Variants in PHF10 observed in about 807,000 individuals in gnomAD.
PHF10 encodes the protein PHD finger protein 10, also known as BRG1-associated factor 45a.
Under a neutral mutation model 68.5 loss-of-function variants are expected in PHF10, and 51 were observed. The ratio of observed to expected loss-of-function variants is 0.74; its 90% CI spans 0.59 to 0.94. The LOEUF (loss-of-function observed/expected upper bound fraction) is 0.94, where lower values mean the gene tolerates loss of function less well. PHF10 is among the 40% of genes least tolerant of loss of function. The probability of loss-of-function intolerance (pLI) is 0.00; values close to 1 mark genes in which losing one functional copy is unlikely to be tolerated. For synonymous variants in PHF10, 204 were observed against 203.5 expected, an observed-to-expected ratio of 1.00 and a Z score of -0.02; for missense variants, 460 against 602.6, an observed-to-expected ratio of 0.76 and a Z score of 2.48.
chr6:169,709,536 G>A (rs1788881115), intron 9 of PHF10: 1 of 151,998 alleles, frequency 6.6e-6, no homozygotes. Flanking sequence ...AAAAGGGAGG[G>A]GCAGACAGAG....
chr6:169,710,997 T>C (rs1788915817), intron 8 of PHF10, among the ~76,000 whole-genome samples: 1 of 152,186 alleles, frequency 6.6e-6, no homozygotes, highest in Non-Finnish European at 1.5e-5. Context: ...CATTTTATAA[T>C]TTAAAATGTT....
intron 1 of PHF10, among the ~76,000 whole-genome samples, chr6:169,723,075 T>G (rs1283798393): frequency 6.6e-6 from 1 of 152,202 alleles, no homozygotes; most frequent in East Asian, 1.9e-4. Flanking sequence ...CGGCTTCCCC[T>G]GCCAACGCGC....
At chr6:169,716,980 A>G (rs1303452594) in intron 4 of PHF10, among the ~76,000 whole-genome samples, 1 of 152,218 alleles carries the variant, frequency 6.6e-6, no homozygotes, top group Non-Finnish European at 1.5e-5. Flanking sequence ...AGGGCTGGGC[A>G]TGGTGGCTCA....
Position 169,721,008 on chromosome 6 carries a change from AG to A in PHF10, c.190del (p.Gly65ValfsTer10), listed in dbSNP as rs1789163663. 2 of 1,517,950 alleles carry A rather than the reference AG, an allele frequency of 1.3e-6. No homozygotes were observed. The highest frequency in any genetic ancestry group is 2.8e-5 in the African/African-American group (2 of 72,332). 94.0% of individuals were successfully genotyped at this position (1,517,950 alleles called of 1,614,324 possible). On this transcript the variant is annotated frameshift_variant, in exon 2 of 12. Coordinates refer to ENST00000339209, the MANE Select transcript of PHF10 (RefSeq NM_018288.4). LOFTEE classifies it high-confidence loss of function. ...SRSCETSSQD[L>X]GFSYYPAENL... ...ATAACCGATAAAATGACAGTACCCAAGATCTTGACTTGAAGTTTCACAACTC... is the reference window on the plus strand; with the variant it reads ...ATAACCGATAAAATGACAGTACCCAAATCTTGACTTGAAGTTTCACAACTC...
At chr6:169,707,630 G>A (rs1464758704) in intron 9 of PHF10, 1 of 152,096 alleles carries the variant, frequency 6.6e-6, no homozygotes, top group Admixed American at 6.6e-5. Flanking sequence ...CAAAACAAAA[G>A]CCAAAAGGAG....
chr6:169,717,923 A>T lies in PHF10; in HGVS notation c.326-17T>A, dbSNP rs754750896. On this transcript the variant is annotated splice_polypyrimidine_tract_variant and intron_variant, in intron 3 of 11. Coordinates refer to ENST00000339209, the MANE Select transcript of PHF10 (RefSeq NM_018288.4). ...GCTCTAAATCTCCAAAAAAAAGATC[A>T]AAAGACTATTAAAAACAGCAAAACC... is the stretch of plus-strand genomic sequence containing the variant. The T allele has an allele frequency of 7.4e-7, 1 of 1,349,088 alleles. No individual in the cohort carries two copies. Among genetic ancestry groups the T allele is most frequent in the South Asian group, 1.3e-5 (1 of 74,328 alleles). 83.6% of individuals were successfully genotyped at this position (1,349,088 alleles called of 1,614,324 possible).
intron 4 of PHF10, 169 bp downstream of exon 4, chr6:169,717,654 T>C (rs1585303993): frequency 1.9e-6 from 1 of 523,300 alleles, no homozygotes; most frequent in East Asian, 3.2e-5. Context: ...TCAAGCTTCA[T>C]TCTCCTGTGT....
At chr6:169,704,392 C>CA in intron 11 of PHF10, 1 of 328,108 alleles carries the variant, frequency 3.0e-6, no homozygotes, top group South Asian at 1.3e-4. Flanking sequence ...TTCAAAAGGT[C>CA]AAAACCCATT....
In PHF10 at chr6:169,714,803, T is replaced by C. The variant is rs1789007557; in HGVS notation, c.733A>G (p.Thr245Ala). Residue 245 changes from threonine to alanine, a missense_variant, in exon 7 of 12, where the codon ACA (threonine) becomes GCA (alanine). Transcript: ENST00000339209. Reference protein sequence around the residue: ...VPQGKYKVLPTERTKVSSYPV... With the variant: ...VPQGKYKVLPAERTKVSSYPV... ...TAAGAACTGACCTTTGTTCGCTCTG[T>C]TGGCAAAACTTTGTACTTCCCTTGA... 3 of 1,605,082 alleles carry C rather than the reference T, an allele frequency of 1.9e-6. No homozygotes were observed. The highest frequency in any genetic ancestry group is 2.6e-6 in the Non-Finnish European group (3 of 1,171,904).
chr6:169,721,708 T>A (rs968728684), intron 1 of PHF10, among the ~76,000 whole-genome samples: 3 of 152,150 alleles, frequency 2.0e-5, no homozygotes, highest in Admixed American at 2.0e-4. Context: ...ATATTTTTAA[T>A]GTAATCCATT....
rs1161850118 is a variant in PHF10 at position 169,723,998 on chromosome 6, TGCCGCCGCCGCC to T, written c.-79_-68del. ...GCCTTGTCCCGGCCGCCGCCGCCGCTGCCGCCGCCGCCGCCGCCGCCGCCGCGCGGGCCCCCC... is the reference window on the plus strand; with the variant it reads ...GCCTTGTCCCGGCCGCCGCCGCCGCTGCCGCCGCCGCCGCGCGGGCCCCCC... On this transcript the variant is annotated 5_prime_UTR_variant, in exon 1 of 12. Transcript: ENST00000339209. 132 of 326,126 alleles carry T rather than the reference TGCCGCCGCCGCC, an allele frequency of 4.0e-4. 2 individuals carry two copies. Among genetic ancestry groups the T allele is most frequent in the African/African-American group, 2.8e-4 (11 of 39,086 alleles). 20.2% of individuals were successfully genotyped at this position (326,126 alleles called of 1,614,324 possible). A position where few individuals can be genotyped will look rare whatever the true frequency, so the allele number is the denominator to read the frequency against.
intron 9 of PHF10, among the ~76,000 whole-genome samples, chr6:169,706,723 TACATACACACACACAC>T (rs1295979637): frequency 2.6e-3 from 185 of 72,536 alleles, no homozygotes; most frequent in African/African-American, 7.2e-3. Flanking sequence ...CATACATACA[TACATACACACACACAC>T]ACACACACAC....
At position 169,719,686 on chromosome 6, in the gene PHF10, T is replaced by C. The variant is rs373271204; in HGVS notation, c.195-768A>G. Among the ~76,000 whole-genome samples the C allele has an allele frequency of 2.2e-4, 34 of 152,216 alleles. No individual in the cohort carries two copies. The South Asian group carries it at 3.9e-3, about 18-fold the overall frequency. On this transcript the variant is annotated intron_variant, in intron 2 of 11. Transcript: ENST00000339209. ...CTTTACCTCATATCACAACTCAAAA[T>C]GGATCAACAACCTAAATATAAGAGC...
chr6:169,706,285 A>G (rs562662178), intron 9 of PHF10, among the ~76,000 whole-genome samples: 31 of 152,030 alleles, frequency 2.0e-4, no homozygotes, highest in African/African-American at 7.0e-4. Flanking sequence ...TGGCGTGTAC[A>G]TAAACGTTTG....
At chr6:169,707,070 C>T (rs1030189724) in intron 9 of PHF10, 3 of 152,056 alleles carry the variant, frequency 2.0e-5, no homozygotes, top group African/African-American at 7.2e-5. Flanking sequence ...AAAAGTCAAC[C>T]TTATACATAA....
intron 9 of PHF10, 109 bp downstream of exon 9, chr6:169,710,127 C>A: frequency 1.3e-6 from 1 of 749,584 alleles, no homozygotes; most frequent in South Asian, 2.4e-5. Flanking sequence ...AGAAGAACAG[C>A]TAGTGAGGTA....
Position 169,715,723 on chromosome 6 carries a change from A to G in PHF10, c.678T>C (p.Phe226=). Residue 226 remains phenylalanine (F), a synonymous_variant, in exon 6 of 12, where the codon TTT becomes TTC. Coordinates refer to ENST00000339209, the MANE Select transcript of PHF10 (RefSeq NM_018288.4). ...RERMEERRAY[F]DLQTHVIQVP... ...GTTATCCTACATGTGTCTGCAAGTC[A>G]AAATAAGCTCTTCTTTCTTCCATGC... 1 of 1,611,914 alleles carries G rather than the reference A, an allele frequency of 6.2e-7. No individual in the cohort carries two copies. The highest frequency in any genetic ancestry group is 1.3e-5 in the African/African-American group (1 of 74,970).
Position 169,703,970 on chromosome 6 carries a change from A to T in PHF10, c.*33T>A. 6.9e-7 allele frequency: 1 copy of T among 1,454,094 alleles called. No homozygotes were observed. Among genetic ancestry groups the T allele is most frequent in the Non-Finnish European group, 9.3e-7 (1 of 1,075,408 alleles). 90.1% of individuals were successfully genotyped at this position (1,454,094 alleles called of 1,614,324 possible). ...TAAATGGCACCAAATATTCCACTTA[A>T]ATGCATATACAGTATTAGAGTCAAA... is the stretch of plus-strand genomic sequence containing the variant. On this transcript the variant is annotated 3_prime_UTR_variant, in exon 12 of 12. Coordinates refer to ENST00000339209, the MANE Select transcript of PHF10 (RefSeq NM_018288.4).
intron 9 of PHF10, chr6:169,708,262 TTATTG>T (rs1274406339): frequency 6.6e-6 from 1 of 152,200 alleles, no homozygotes; most frequent in African/African-American, 2.4e-5. Flanking sequence ...TAGATTTTAA[TTATTG>T]TATTTATAGG....
Sources: gnomAD v4.1 joint callset for allele counts (sites outside exome capture counted in the v4.1 genomes callset) on GRCh38, gnomAD v4.1.1 for gene constraint, MANE v1.5 for transcripts, NCBI Gene and HGNC (gene_info 2026-07-23, HGNC 2026-07-21) for gene names.